The following SGIP1 variants were observed in gnomAD, a reference collection of about 807,000 sequenced individuals.
SGIP1 encodes SH3-containing GRB2-like protein 3-interacting protein 1.
In SGIP1, 38 loss-of-function variants were observed where a neutral mutation model predicts 107.5. The ratio of observed to expected loss-of-function variants is 0.35; its 90% confidence interval spans 0.27 to 0.46. SGIP1 has a LOEUF of 0.46. Among genes scored for constraint, SGIP1 ranks in the 20% least tolerant of loss-of-function variants. The pLI is 1.00. For missense variants in SGIP1, 929 were observed against 1,019.5 expected (o/e 0.91, Z 1.21); for synonymous variants, 365 against 366.1 (o/e 1.00, Z 0.03).
At chr1:66,725,237 C>T (rs1162699898) in intron 19 of SGIP1, among the ~76,000 whole-genome samples, 1 of 152,194 alleles carries the variant, frequency 6.6e-6, no homozygotes, top group African/African-American at 2.4e-5. Flanking sequence ...AGCTCATCTG[C>T]TCCCAATCTC....
intron 1 of SGIP1, among the ~76,000 whole-genome samples, chr1:66,579,867 G>T (rs1017155979): frequency 2.6e-5 from 4 of 151,936 alleles, no homozygotes; most frequent in African/African-American, 7.3e-5. Context: ...CCTTTCAGTT[G>T]CTCTAACCAA....
chr1:66,558,427 C>A (rs1227564789), intron 1 of SGIP1, among the ~76,000 whole-genome samples: 1 of 151,822 alleles, frequency 6.6e-6, no homozygotes, highest in Non-Finnish European at 1.5e-5. Flanking sequence ...CTAAGCTAAC[C>A]CACAACGGCC....
Position 66,684,010 on chromosome 1 carries a change from C to T in SGIP1, c.1315+1641C>T, listed in dbSNP as rs1344371526. On this transcript the variant is annotated intron_variant, in intron 15 of 24. Coordinates refer to ENST00000371037, the MANE Select transcript of SGIP1 (RefSeq NM_032291.4). ...GGGATTATAGGCTTGAGCTACCGCGCCCAGCCCTAAATGCTTTTTGGCCCT... is the reference window on the plus strand; with the variant it reads ...GGGATTATAGGCTTGAGCTACCGCGTCCAGCCCTAAATGCTTTTTGGCCCT... 2.9e-5 allele frequency: 43 copies of T among 1,502,854 alleles called. 1 individual carries two copies. The highest frequency in any genetic ancestry group is 2.7e-4 in the East Asian group (11 of 40,444). 93.1% of individuals were successfully genotyped at this position (1,502,854 alleles called of 1,614,324 possible). A position where few individuals can be genotyped will look rare whatever the true frequency, so the allele number is the denominator to read the frequency against.
intron 1 of SGIP1, among the ~76,000 whole-genome samples, chr1:66,560,487 A>T (rs2058766198): frequency 6.6e-6 from 1 of 152,086 alleles, no homozygotes; most frequent in Non-Finnish European, 1.5e-5. Context: ...TAGACACTAG[A>T]TAAATTTTAC....
intron 17 of SGIP1, among the ~76,000 whole-genome samples, chr1:66,690,782 A>G (rs1042244019): frequency 6.6e-6 from 1 of 152,198 alleles, no homozygotes. Context: ...TGATATAAAC[A>G]TCGGCACTGT....
chr1:66,720,231 T>C (rs1190622922), intron 19 of SGIP1, among the ~76,000 whole-genome samples: 1 of 152,172 alleles, frequency 6.6e-6, no homozygotes, highest in African/African-American at 2.4e-5. Flanking sequence ...CAAAGAGATT[T>C]GTAATCCAAA....
intron 24 of SGIP1, among the ~76,000 whole-genome samples, chr1:66,742,374 C>T (rs752392016): frequency 6.9e-6 from 1 of 145,576 alleles, no homozygotes; most frequent in Non-Finnish European, 1.5e-5. Flanking sequence ...TTTTTTATGT[C>T]TATTGTACTG....
At chr1:66,694,825 A>T (rs2090550338) in intron 17 of SGIP1, 1 of 281,404 alleles carries the variant, frequency 3.6e-6, no homozygotes, top group Admixed American at 5.0e-5. Flanking sequence ...CTGCTTTTTA[A>T]TTTAAAAAAT....
chr1:66,633,152 A>C, intron 3 of SGIP1, 58 bp downstream of exon 3: 2 of 1,176,504 alleles, frequency 1.7e-6, no homozygotes, highest in Non-Finnish European at 1.2e-6. Flanking sequence ...GCTATGTTTA[A>C]ATTTCTCAAA....
chr1:66,743,223 A>G lies in SGIP1; in HGVS notation c.*128A>G. The G allele has an allele frequency of 1.2e-6, 1 of 865,390 alleles. No homozygotes were observed. Among genetic ancestry groups the G allele is most frequent in the Non-Finnish European group, 1.8e-6 (1 of 546,412 alleles). The allele number at this position is 865,390 out of a possible 1,614,324, so 53.6% of individuals were successfully genotyped here. A position where few individuals can be genotyped will look rare whatever the true frequency, so the allele number is the denominator to read the frequency against. ...TTGGGATATATCAGGTGGAAAGTCAATGACTTTCATCTGTGATTTCCCTCA... is the reference window on the plus strand; with the variant it reads ...TTGGGATATATCAGGTGGAAAGTCAGTGACTTTCATCTGTGATTTCCCTCA... On this transcript the variant is annotated 3_prime_UTR_variant, in exon 25 of 25. Coordinates refer to ENST00000371037, the MANE Select transcript of SGIP1 (RefSeq NM_032291.4).
At chr1:66,580,558 T>C (rs1199606637) in intron 1 of SGIP1, among the ~76,000 whole-genome samples, 1 of 152,198 alleles carries the variant, frequency 6.6e-6, no homozygotes, top group Non-Finnish European at 1.5e-5. Flanking sequence ...TCATCTGTCT[T>C]TCCATATACA....
intron 1 of SGIP1, among the ~76,000 whole-genome samples, chr1:66,613,794 G>T (rs1010703855): frequency 3.3e-5 from 5 of 152,194 alleles, no homozygotes; most frequent in African/African-American, 1.2e-4. Context: ...TGGAAAGAGT[G>T]CTTCAGGCTT....
chr1:66,745,116 ATT>A lies in SGIP1; in HGVS notation c.*2024_*2025del. 1 of 152,236 alleles carries A rather than the reference ATT, an allele frequency of 6.6e-6. No individual in the cohort carries two copies. The highest frequency in any genetic ancestry group is 1.9e-4 in the East Asian group (1 of 5,188). The allele number at this position is 152,236 out of a possible 1,614,324, so 9.4% of individuals were successfully genotyped here. ...TCTCATGTCTTTGTATTTATATTTTATTTTGTTTTATTTTGTATAGATCTAGA... is the reference window on the plus strand; with the variant it reads ...TCTCATGTCTTTGTATTTATATTTTATTGTTTTATTTTGTATAGATCTAGA... On this transcript the variant is annotated 3_prime_UTR_variant, in exon 25 of 25. Coordinates refer to ENST00000371037, the MANE Select transcript of SGIP1 (RefSeq NM_032291.4).
intron 1 of SGIP1, among the ~76,000 whole-genome samples, chr1:66,599,301 C>A (rs2065299035): frequency 6.6e-6 from 1 of 152,128 alleles, no homozygotes; most frequent in African/African-American, 2.4e-5. Flanking sequence ...ATTTCATTTA[C>A]TCCTCATAAA....
intron 1 of SGIP1, among the ~76,000 whole-genome samples, chr1:66,572,736 G>A (rs897422459): frequency 1.3e-5 from 2 of 151,964 alleles, no homozygotes; most frequent in Admixed American, 1.3e-4. Flanking sequence ...CTACATAAAA[G>A]GGTCTCCTCT....
At chr1:66,620,550 CAGAG>C (rs1207783472) in intron 1 of SGIP1, among the ~76,000 whole-genome samples, 1 of 150,840 alleles carries the variant, frequency 6.6e-6, no homozygotes, top group Non-Finnish European at 1.5e-5. Flanking sequence ...GACAGAGAGA[CAGAG>C]AGAGAGAGTG....
intron 1 of SGIP1, among the ~76,000 whole-genome samples, chr1:66,558,856 C>A (rs1235538493): frequency 6.6e-6 from 1 of 151,392 alleles, no homozygotes; most frequent in Non-Finnish European, 1.5e-5. Context: ...TTCTTTGTCA[C>A]TTGGGTTCCA....
intron 1 of SGIP1, among the ~76,000 whole-genome samples, chr1:66,584,966 G>T (rs1477897103): frequency 1.3e-5 from 2 of 152,038 alleles, no homozygotes; most frequent in African/African-American, 2.4e-5. Flanking sequence ...AAAACAAAAA[G>T]AAAGAACAAG....
rs79469852 is a variant in SGIP1 at position 66,565,447 on chromosome 1, A to G, written c.10+31079A>G. Among the ~76,000 whole-genome samples, 1,041 of 152,100 alleles carry G rather than the reference A, an allele frequency of 6.8e-3. 14 individuals carry two copies. Among genetic ancestry groups the G allele is most frequent in the African/African-American group, 0.024 (979 of 41,538 alleles). On this transcript the variant is annotated intron_variant, in intron 1 of 24. Transcript: ENST00000371037. The stretch of plus-strand genomic sequence containing the variant: ...TCAAACTTAATTATGTTAGAGTTGT[A>G]TTAAGGGGTAAGGGGCATAAAAAGG...
Sources: gnomAD v4.1 joint callset for allele counts (sites outside exome capture counted in the v4.1 genomes callset) on GRCh38, gnomAD v4.1.1 for gene constraint, MANE v1.5 for transcripts, NCBI Gene and HGNC (gene_info 2026-07-23, HGNC 2026-07-21) for gene names.